The following SLC24A3 variants were observed in gnomAD, a reference collection of about 807,000 sequenced individuals.
The protein encoded by SLC24A3 is solute carrier family 24 member 3.
In SLC24A3, 28 loss-of-function variants were observed where a neutral mutation model predicts 75.8. That is an observed-to-expected ratio of 0.37 (90% CI 0.27 to 0.51). The LOEUF (loss-of-function observed/expected upper bound fraction) is 0.51, where lower values mean the gene tolerates loss of function less well. Ranked by LOEUF, SLC24A3 falls within the 20% of genes least tolerant of loss-of-function variation. The pLI is 0.94. For synonymous variants in SLC24A3, 372 were observed against 334.1 expected (o/e 1.11, Z -1.24); for missense variants, 663 against 847.8 (o/e 0.78, Z 2.71).
intron 3 of SLC24A3, among the ~76,000 whole-genome samples, chr20:19,569,202 GTTC>G (rs2031010219): frequency 6.6e-6 from 1 of 152,196 alleles, no homozygotes; most frequent in Non-Finnish European, 1.5e-5. Flanking sequence ...CCATATCAGT[GTTC>G]TTCTGCTTCC....
chr20:19,682,453 AG>A (rs2032625999), intron 10 of SLC24A3, among the ~76,000 whole-genome samples: 1 of 152,086 alleles, frequency 6.6e-6, no homozygotes, highest in Admixed American at 6.6e-5. Context: ...AATGTCATGG[AG>A]CCATCTCATA....
At chr20:19,618,557 C>T (rs1193797328) in intron 6 of SLC24A3, among the ~76,000 whole-genome samples, 2 of 152,126 alleles carry the variant, frequency 1.3e-5, no homozygotes, top group African/African-American at 4.8e-5. Flanking sequence ...TTCTGTGATA[C>T]TAGGGGGTAA....
At chr20:19,573,674 C>T (rs2031088055) in intron 3 of SLC24A3, among the ~76,000 whole-genome samples, 1 of 152,216 alleles carries the variant, frequency 6.6e-6, no homozygotes, top group Non-Finnish European at 1.5e-5. Context: ...GGCTTATTAT[C>T]TCATAGTCAT....
intron 2 of SLC24A3, among the ~76,000 whole-genome samples, chr20:19,356,852 T>TTAA (rs11275262): frequency 0.041 from 6,149 of 149,846 alleles, 348 homozygotes; most frequent in African/African-American, 0.13. Flanking sequence ...AGACTTTGCA[T>TTAA]TAATAATAAT....
intron 2 of SLC24A3, among the ~76,000 whole-genome samples, chr20:19,378,292 A>T (rs1170771399): frequency 5.9e-5 from 9 of 151,540 alleles, no homozygotes; most frequent in South Asian, 2.1e-4. Context: ...GTTTTTTTAA[A>T]AAAAAAAAAT....
At chr20:19,535,991 G>A (rs2030389226) in intron 3 of SLC24A3, among the ~76,000 whole-genome samples, 1 of 152,064 alleles carries the variant, frequency 6.6e-6, no homozygotes, top group African/African-American at 2.4e-5. Flanking sequence ...TTGTTTTAAG[G>A]AGCCCACCCT....
rs76802584 is a variant in SLC24A3, at chr20:19,603,203, G to A, written c.612+17659G>A. On this transcript the variant is annotated intron_variant, in intron 6 of 16. Coordinates refer to ENST00000328041, the MANE Select transcript of SLC24A3 (RefSeq NM_020689.4). Reference sequence around the variant, plus strand: ...TTTGACCAGAGTTGGACCTGACTCAGGAATTCCCTGGTCCTGGCTTAACTT... The same window carrying A: ...TTTGACCAGAGTTGGACCTGACTCAAGAATTCCCTGGTCCTGGCTTAACTT... Among the ~76,000 whole-genome samples, 130 of 152,286 alleles carry A rather than the reference G, an allele frequency of 8.5e-4. No homozygotes were observed. In the East Asian group the frequency reaches 8.7e-3, roughly 10 times the overall value.
intron 1 of SLC24A3, among the ~76,000 whole-genome samples, chr20:19,219,363 G>A (rs1484712048): frequency 6.6e-6 from 1 of 152,172 alleles, no homozygotes; most frequent in Non-Finnish European, 1.5e-5. Context: ...AGTTGCGTAA[G>A]ACACGGGGAC....
intron 1 of SLC24A3, among the ~76,000 whole-genome samples, chr20:19,235,009 G>A (rs1039096012): frequency 2.6e-4 from 39 of 152,312 alleles, no homozygotes; most frequent in Admixed American, 6.5e-4. Context: ...CACACACTGA[G>A]TTAAATGCTG....
At chr20:19,284,464 T>A (rs1412986648) in intron 2 of SLC24A3, 8 of 152,680 alleles carry the variant, frequency 5.2e-5, no homozygotes, top group African/African-American at 1.7e-4. Context: ...GTTCCTGGAC[T>A]CTCTCCCTTC....
intron 1 of SLC24A3, among the ~76,000 whole-genome samples, chr20:19,248,916 G>A (rs377025164): frequency 6.7e-6 from 1 of 150,116 alleles, no homozygotes; most frequent in Non-Finnish European, 1.5e-5. Flanking sequence ...GCATGATCTC[G>A]TATGTGGAAT....
chr20:19,675,135 G>A (rs528952050), intron 9 of SLC24A3, among the ~76,000 whole-genome samples: 1 of 152,280 alleles, frequency 6.6e-6, no homozygotes, highest in Admixed American at 6.5e-5. Context: ...TAAGCCTGCT[G>A]GTTCATCTTT....
At chr20:19,423,047 T>C (rs774907906) in intron 2 of SLC24A3, among the ~76,000 whole-genome samples, 15 of 152,196 alleles carry the variant, frequency 9.9e-5, no homozygotes, top group Non-Finnish European at 1.9e-4. Flanking sequence ...TAAATGAACA[T>C]ATTCATGTGG....
Position 19,580,128 on chromosome 20 carries a change from GC to G in SLC24A3, c.423+57del, listed in dbSNP as rs1194831938. ...GAGCCAGACTGGGGACTGGACCTGT[GC>G]CCTGTACTGTTCCAGCCTCCTCACC... On this transcript the variant is annotated intron_variant, in intron 4 of 16. Transcript: ENST00000328041. 7.4e-6 allele frequency: 11 copies of G among 1,486,862 alleles called. No homozygotes were observed. The East Asian group carries it at 1.4e-4, about 18-fold the overall frequency. 92.1% of individuals were successfully genotyped at this position (1,486,862 alleles called of 1,614,324 possible).
chr20:19,593,898 TCTG>T (rs768831506), intron 6 of SLC24A3, among the ~76,000 whole-genome samples: 1 of 152,170 alleles, frequency 6.6e-6, no homozygotes, highest in African/African-American at 2.4e-5. Context: ...ACATGTGACA[TCTG>T]CTGAGCTCGT....
chr20:19,666,179 C>T (rs1187447266), intron 8 of SLC24A3, among the ~76,000 whole-genome samples: 2 of 152,154 alleles, frequency 1.3e-5, no homozygotes, highest in African/African-American at 4.8e-5. Flanking sequence ...TGTCTTTCTA[C>T]AGTCAGCCAT....
At chr20:19,414,005 T>C (rs1986788485) in intron 2 of SLC24A3, among the ~76,000 whole-genome samples, 1 of 151,966 alleles carries the variant, frequency 6.6e-6, no homozygotes, top group South Asian at 2.1e-4. Context: ...GATACCCAGG[T>C]AAAGGACAAA....
chr20:19,341,133 G>C (rs1272489215), intron 2 of SLC24A3, among the ~76,000 whole-genome samples: 2 of 152,232 alleles, frequency 1.3e-5, no homozygotes, highest in African/African-American at 4.8e-5. Context: ...GAACTAATTG[G>C]TCTGGGATGT....
intron 1 of SLC24A3, among the ~76,000 whole-genome samples, chr20:19,214,295 T>C (rs377297976): frequency 2.2e-4 from 33 of 152,282 alleles, no homozygotes; most frequent in South Asian, 2.1e-3. Flanking sequence ...TCCCGTAGCC[T>C]TGGGTTCTGA....
Sources: gnomAD v4.1 joint callset for allele counts (sites outside exome capture counted in the v4.1 genomes callset) on GRCh38, gnomAD v4.1.1 for gene constraint, MANE v1.5 for transcripts, NCBI Gene and HGNC (gene_info 2026-07-23, HGNC 2026-07-21) for gene names.